The following ESYT2 variants were observed in gnomAD, a reference collection of about 807,000 sequenced individuals.
The protein encoded by ESYT2 is extended synaptotagmin 2.
Under a neutral mutation model 107.2 loss-of-function variants are expected in ESYT2, and 54 were observed. That is an observed-to-expected ratio of 0.50 (90% CI 0.40 to 0.63). The LOEUF (loss-of-function observed/expected upper bound fraction) is 0.63, where lower values mean the gene tolerates loss of function less well. Ranked by LOEUF, ESYT2 falls within the 30% of genes least tolerant of loss-of-function variation. ESYT2 has a pLI of 0.00. For synonymous variants in ESYT2, 491 were observed against 434.1 expected, an observed-to-expected ratio of 1.13 and a Z score of -1.63; for missense variants, 1,020 against 1,094.5, an observed-to-expected ratio of 0.93 and a Z score of 0.96.
Position 158,738,358 on chromosome 7 carries a change from C to G in ESYT2, c.2267+665G>C, listed in dbSNP as rs1246978990. On this transcript the variant is annotated intron_variant, in intron 19 of 22. Coordinates refer to ENST00000275418, the MANE Select transcript of ESYT2 (RefSeq NM_001367773.1). ...ACACACACACAGACACACACACACA[C>G]ACACACACACACACACACACTCTTC... is the stretch of plus-strand genomic sequence containing the variant. Among the ~76,000 whole-genome samples, 1,116 of 150,370 alleles carry G rather than the reference C, an allele frequency of 7.4e-3. 32 individuals are homozygous for G. Among genetic ancestry groups the G allele is most frequent in the African/African-American group, 0.026 (1,052 of 40,722 alleles).
chr7:158,782,557 G>A (rs1366248754), intron 6 of ESYT2, among the ~76,000 whole-genome samples: 6 of 138,722 alleles, frequency 4.3e-5, no homozygotes, highest in Non-Finnish European at 9.5e-5. Context: ...GAGAAGCAGC[G>A]GGAAAGTGGG....
Position 158,743,476 on chromosome 7 carries a change from C to T in ESYT2, c.1794+53G>A, listed in dbSNP as rs1321824886. The T allele has an allele frequency of 3.8e-6, 6 of 1,564,482 alleles. No individual in the cohort carries two copies. The South Asian group carries it at 7.2e-5, about 19-fold the overall frequency. ...TGCCCGGGGCCCATGAGTATCCCTG[C>T]CAGCACCCGCCTCCCCATCCCCTAT... On this transcript the variant is annotated intron_variant, in intron 17 of 22. Transcript: ENST00000275418.
chr7:158,733,749 G>T lies in ESYT2; in HGVS notation c.*458C>A. The T allele has an allele frequency of 6.5e-6, 1 of 152,880 alleles. No homozygotes were observed. 9.5% of individuals were successfully genotyped at this position (152,880 alleles called of 1,614,324 possible). A position where few individuals can be genotyped will look rare whatever the true frequency, so the allele number is the denominator to read the frequency against. ...AACTTTTTGCTGCCAAGATGAAAAT[G>T]ATTATTTGTCACACGAATTTAATAA... On this transcript the variant is annotated 3_prime_UTR_variant, in exon 23 of 23. Coordinates refer to ENST00000275418, the MANE Select transcript of ESYT2 (RefSeq NM_001367773.1).
chr7:158,755,435 A>T (rs1370963737), intron 13 of ESYT2, among the ~76,000 whole-genome samples: 2 of 152,230 alleles, frequency 1.3e-5, no homozygotes, highest in Non-Finnish European at 1.5e-5. Context: ...CTCCTGATAC[A>T]AGGTCAGAGA....
rs1319752432 is a variant in ESYT2, at chr7:158,735,524, T to A, written c.2484A>T (p.Lys828Asn). Residue 828 changes from lysine (K) to asparagine (N), a missense_variant, in exon 21 of 23, where the codon AAA (lysine) becomes AAT (asparagine). Lys to Asn is a moderately conservative substitution (Grantham distance 94). Transcript: ENST00000275418. Reference sequence around the variant, plus strand: ...TTACTTTGCCAAGGAGCCCTTTGTCTTTGGACAGGAAGCCGCCACTGTTCT... The same window carrying A: ...TTACTTTGCCAAGGAGCCCTTTGTCATTGGACAGGAAGCCGCCACTGTTCT... ...AVKNSGGFLS[K>N]DKGLLGKVLV... 1.2e-6 allele frequency: 2 copies of A among 1,614,120 alleles called. No individual in the cohort carries two copies. Among genetic ancestry groups the A allele is most frequent in the South Asian group, 2.2e-5 (2 of 91,072 alleles).
In ESYT2 at chr7:158,733,667, TTAA is replaced by T. The variant is rs1350965885; in HGVS notation, c.*537_*539del. ...ATAATGGGCAGAAACATACTAGCATTTAATAATATTTCAGCTTTTCTTTTCAAA... is the reference window on the plus strand; with the variant it reads ...ATAATGGGCAGAAACATACTAGCATTTAATATTTCAGCTTTTCTTTTCAAA... On this transcript the variant is annotated 3_prime_UTR_variant, in exon 23 of 23. Transcript: ENST00000275418. 1.3e-5 allele frequency: 2 copies of T among 152,380 alleles called. No individual in the cohort carries two copies. The highest frequency in any genetic ancestry group is 2.9e-5 in the Non-Finnish European group (2 of 68,130). 9.4% of individuals were successfully genotyped at this position (152,380 alleles called of 1,614,324 possible). A position where few individuals can be genotyped will look rare whatever the true frequency, so the allele number is the denominator to read the frequency against.
At chr7:158,798,900 G>T in intron 2 of ESYT2, 131 bp downstream of exon 2, 1 of 766,422 alleles carries the variant, frequency 1.3e-6, no homozygotes, top group Non-Finnish European at 2.2e-6. Context: ...GGTCTTTGGG[G>T]ACCAGAAGCC....
chr7:158,806,696 G>A (rs1466914122), intron 1 of ESYT2, among the ~76,000 whole-genome samples: 1 of 152,198 alleles, frequency 6.6e-6, no homozygotes, highest in Non-Finnish European at 1.5e-5. Flanking sequence ...TCTGCTAAAA[G>A]AAAGGTCACA....
chr7:158,798,273 T>C (rs1217718617), intron 2 of ESYT2, among the ~76,000 whole-genome samples, 197 bp from the exon 3 acceptor site: 1 of 152,198 alleles, frequency 6.6e-6, no homozygotes, highest in Non-Finnish European at 1.5e-5. Context: ...TTAACCAATA[T>C]GTTGCAGGAA....
intron 6 of ESYT2, among the ~76,000 whole-genome samples, chr7:158,776,028 C>T (rs1373893472): frequency 1.3e-5 from 2 of 152,190 alleles, no homozygotes; most frequent in African/African-American, 4.8e-5. Context: ...CATCAGATCT[C>T]CTGGGTGACC....
chr7:158,810,174 G>T (rs1839954703), intron 1 of ESYT2, among the ~76,000 whole-genome samples: 1 of 152,116 alleles, frequency 6.6e-6, no homozygotes, highest in African/African-American at 2.4e-5. Context: ...CTACCCACAC[G>T]TATATATGCA....
chr7:158,785,400 G>A (rs562138042), intron 6 of ESYT2, among the ~76,000 whole-genome samples: 1 of 151,468 alleles, frequency 6.6e-6, no homozygotes, highest in Admixed American at 6.6e-5. Context: ...ACTCCAGCCT[G>A]GGTGACAAGA....
At chr7:158,824,862 C>T (rs1487727706) in intron 1 of ESYT2, among the ~76,000 whole-genome samples, 1 of 152,196 alleles carries the variant, frequency 6.6e-6, no homozygotes, top group Non-Finnish European at 1.5e-5. Flanking sequence ...CAAGAATCTT[C>T]CTCACAGCCC....
At chr7:158,822,316 A>G (rs906477517) in intron 1 of ESYT2, among the ~76,000 whole-genome samples, 1 of 152,262 alleles carries the variant, frequency 6.6e-6, no homozygotes, top group Non-Finnish European at 1.5e-5. Context: ...TGTGATGATT[A>G]TATACTGATA....
At chr7:158,792,153 A>C (rs1174549547) in intron 4 of ESYT2, among the ~76,000 whole-genome samples, 2 of 141,294 alleles carry the variant, frequency 1.4e-5, no homozygotes, top group Non-Finnish European at 3.0e-5. Context: ...TCTTAGTTCC[A>C]CGAGTTCTTT....
chr7:158,755,871 G>A (rs954573472), intron 13 of ESYT2, among the ~76,000 whole-genome samples: 10 of 151,970 alleles, frequency 6.6e-5, no homozygotes, highest in African/African-American at 2.4e-4. Flanking sequence ...CCGTCAGGGG[G>A]TAGGGGGAGA....
chr7:158,797,636 A>G (rs1056202055), intron 3 of ESYT2, among the ~76,000 whole-genome samples: 4 of 152,060 alleles, frequency 2.6e-5, no homozygotes, highest in African/African-American at 9.7e-5. Flanking sequence ...CAGGCAGATC[A>G]TGAGGTCAGG....
intron 1 of ESYT2, among the ~76,000 whole-genome samples, chr7:158,820,791 A>C (rs1261038638): frequency 1.3e-5 from 2 of 152,238 alleles, no homozygotes; most frequent in African/African-American, 4.8e-5. Context: ...GTGTCAAAAA[A>C]TAAATAAATA....
At chr7:158,739,716 T>C (rs1037407477) in intron 18 of ESYT2, among the ~76,000 whole-genome samples, 14 of 152,134 alleles carry the variant, frequency 9.2e-5, no homozygotes, top group Non-Finnish European at 1.8e-4. Flanking sequence ...CCCACTCCCA[T>C]GTGAGTGGAC....
Sources: gnomAD v4.1 joint callset for allele counts (sites outside exome capture counted in the v4.1 genomes callset) on GRCh38, gnomAD v4.1.1 for gene constraint, MANE v1.5 for transcripts, NCBI Gene and HGNC (gene_info 2026-07-23, HGNC 2026-07-21) for gene names.